KCNMA1: variants seen among roughly 807,000 people sequenced by gnomAD.
KCNMA1 encodes the protein Calcium-activated potassium channel subunit alpha-1.
In KCNMA1, 29 loss-of-function variants were observed where a neutral mutation model predicts 140.0. The observed-to-expected ratio is 0.21, with a 90% CI of 0.15 to 0.28. KCNMA1 has a LOEUF of 0.28. Among genes scored for constraint, KCNMA1 ranks in the 10% least tolerant of loss-of-function variants. KCNMA1 has a pLI of 1.00. For synonymous variants in KCNMA1, 612 were observed against 611.9 expected (o/e 1.00, Z 0.00); for missense variants, 880 against 1,602.2 (o/e 0.55, Z 7.70).
At chr10:77,036,865 T>G (rs1400260443) in intron 15 of KCNMA1, among the ~76,000 whole-genome samples, 1 of 152,220 alleles carries the variant, frequency 6.6e-6, no homozygotes, top group Non-Finnish European at 1.5e-5. Context: ...AGCCTCCAGA[T>G]AATCAAATGC....
At chr10:77,552,786 C>T (rs868557817) in intron 1 of KCNMA1, among the ~76,000 whole-genome samples, 3 of 152,184 alleles carry the variant, frequency 2.0e-5, no homozygotes, top group Admixed American at 6.5e-5. Flanking sequence ...CAGTGGCTCA[C>T]GCCTGTAATC....
At chr10:77,273,477 A>G (rs2065755607) in intron 2 of KCNMA1, among the ~76,000 whole-genome samples, 1 of 152,228 alleles carries the variant, frequency 6.6e-6, no homozygotes, top group Non-Finnish European at 1.5e-5. Flanking sequence ...CAGGCAACTC[A>G]TCTATTCCTA....
chr10:77,034,185 C>T (rs767157502), intron 15 of KCNMA1, among the ~76,000 whole-genome samples: 5 of 148,726 alleles, frequency 3.4e-5, no homozygotes, highest in African/African-American at 7.5e-5. Context: ...ACAAGGTTGC[C>T]GTGAGCTAAG....
chr10:76,874,569 T>G (rs1235014428), downstream of KCNMA1: 1 of 152,196 alleles, frequency 6.6e-6, no homozygotes, highest in Admixed American at 6.5e-5. Flanking sequence ...AACTTGTGCT[T>G]TTTCTCCTTT....
chr10:76,945,590 C>T (rs1023127737), intron 22 of KCNMA1, among the ~76,000 whole-genome samples: 2 of 151,964 alleles, frequency 1.3e-5, no homozygotes, highest in Non-Finnish European at 2.9e-5. Flanking sequence ...TGCATATTTT[C>T]AGCAAGAAAA....
intron 2 of KCNMA1, among the ~76,000 whole-genome samples, chr10:77,302,277 T>C (rs2076713308): frequency 6.6e-6 from 1 of 152,126 alleles, no homozygotes; most frequent in Non-Finnish European, 1.5e-5. Flanking sequence ...CCAGGAGCTA[T>C]TGGTTGAGAA....
chr10:77,126,388 T>A (rs1267532092), intron 5 of KCNMA1, among the ~76,000 whole-genome samples: 1 of 152,216 alleles, frequency 6.6e-6, no homozygotes, highest in Non-Finnish European at 1.5e-5. Flanking sequence ...TGCTCTGTAT[T>A]GGTTTAGAAA....
intron 9 of KCNMA1, among the ~76,000 whole-genome samples, chr10:77,099,890 T>C (rs2097054589): frequency 6.6e-6 from 1 of 152,180 alleles, no homozygotes; most frequent in Admixed American, 6.5e-5. Context: ...TGTAAGCTTT[T>C]AGGTGAACAA....
intron 1 of KCNMA1, among the ~76,000 whole-genome samples, chr10:77,478,962 C>T (rs16934869): frequency 0.017 from 2,528 of 152,192 alleles, 40 homozygotes; most frequent in Middle Eastern, 0.044. Context: ...AACACTAAAT[C>T]GCACATATTC....
At chr10:77,293,573 C>T (rs1480156087) in intron 2 of KCNMA1, among the ~76,000 whole-genome samples, 1 of 152,186 alleles carries the variant, frequency 6.6e-6, no homozygotes, top group African/African-American at 2.4e-5. Flanking sequence ...CCTTGCATTC[C>T]AAGGTGATCC....
At chr10:77,110,429 G>A (rs559656447) in intron 7 of KCNMA1, 86 bp from the exon 8 acceptor site, 29 of 1,158,542 alleles carry the variant, frequency 2.5e-5, no homozygotes, top group South Asian at 2.3e-4. Context: ...CGGCACTCTC[G>A]AAGGCCACTT....
intron 1 of KCNMA1, among the ~76,000 whole-genome samples, chr10:77,465,464 G>A (rs374667438): frequency 3.1e-4 from 47 of 152,306 alleles, no homozygotes; most frequent in African/African-American, 8.9e-4. Flanking sequence ...GAGTTTTGGA[G>A]TTAGAACAGC....
intron 9 of KCNMA1, among the ~76,000 whole-genome samples, chr10:77,104,665 A>G (rs1447382871): frequency 6.6e-6 from 1 of 152,210 alleles, no homozygotes; most frequent in African/African-American, 2.4e-5. Flanking sequence ...CCCTCTAACA[A>G]GGGGGTTACA....
rs1566843335 is a variant in KCNMA1 at position 77,436,992 on chromosome 10, ACACAC to A, written c.379-32974_379-32970del. Among the ~76,000 whole-genome samples the A allele has an allele frequency of 6.3e-3, 810 of 128,802 alleles. 3 individuals are homozygous for A. Among genetic ancestry groups the A allele is most frequent in the Non-Finnish European group, 9.8e-3 (553 of 56,566 alleles). 84.5% of individuals were successfully genotyped at this position (128,802 alleles called of 152,430 possible). Reference sequence around the variant, plus strand: ...CACACACACACACACACACACACACACACACTCCTTCAGCCAAAATGTTCCACTTT... The same window carrying A: ...CACACACACACACACACACACACACATCCTTCAGCCAAAATGTTCCACTTT... On this transcript the variant is annotated intron_variant, in intron 1 of 27. Transcript: ENST00000286628.
At chr10:77,321,107 A>C (rs551577383) in intron 2 of KCNMA1, among the ~76,000 whole-genome samples, 1 of 152,248 alleles carries the variant, frequency 6.6e-6, no homozygotes, top group Non-Finnish European at 1.5e-5. Context: ...CAAGATGTTT[A>C]TATTTAATCA....
chr10:77,177,276 T>C lies in KCNMA1; in HGVS notation c.808+6145A>G, dbSNP rs1286292112. Among the ~76,000 whole-genome samples the C allele has an allele frequency of 5.3e-5, 8 of 151,284 alleles. No homozygotes were observed. The East Asian group carries it at 1.6e-3, about 30-fold the overall frequency. ...TTCCTTTCTTCCTTCCTTCTTTCCT[T>C]TCTTCCTTCCTTCTTTCCTTCCTTC... On this transcript the variant is annotated intron_variant, in intron 5 of 27. Coordinates refer to ENST00000286628, the MANE Select transcript of KCNMA1 (RefSeq NM_001161352.2).
intron 19 of KCNMA1, among the ~76,000 whole-genome samples, chr10:76,998,380 G>T (rs1348205450): frequency 2.0e-5 from 3 of 152,148 alleles, no homozygotes; most frequent in African/African-American, 7.2e-5. Context: ...AGAGAGAAAT[G>T]AATTAGGCAG....
At chr10:77,383,039 A>T in intron 2 of KCNMA1, among the ~76,000 whole-genome samples, 1 of 127,952 alleles carries the variant, frequency 7.8e-6, no homozygotes, top group Non-Finnish European at 1.6e-5. Context: ...TTCCAAGTGG[A>T]GGAAAGAAGT....
At chr10:77,261,004 G>A (rs1399252439) in intron 2 of KCNMA1, among the ~76,000 whole-genome samples, 1 of 152,090 alleles carries the variant, frequency 6.6e-6, no homozygotes, top group African/African-American at 2.4e-5. Context: ...GCTGCAAGGG[G>A]CACAGAGACA....
Sources: allele counts gnomAD v4.1 joint callset (sites outside exome capture counted in the v4.1 genomes callset), GRCh38; gene constraint gnomAD v4.1.1; transcripts MANE v1.5; gene names NCBI Gene and HGNC (gene_info 2026-07-23, HGNC 2026-07-21).